BCL9: variants seen among roughly 807,000 people sequenced by gnomAD.
The protein encoded by BCL9 is BCL9 transcription coactivator.
BCL9 carries 25 observed loss-of-function variants against 88.5 expected under a neutral mutation model. The ratio of observed to expected loss-of-function variants is 0.28; its 90% confidence interval spans 0.21 to 0.39. The LOEUF (loss-of-function observed/expected upper bound fraction) is 0.39, where lower values mean the gene tolerates loss of function less well. Among genes scored for constraint, BCL9 ranks in the 10% least tolerant of loss-of-function variants. The pLI, the probability that BCL9 is intolerant of heterozygous loss-of-function variation, is 1.00. For synonymous variants in BCL9, 711 were observed against 673.3 expected (o/e 1.06, Z -0.87); for missense variants, 1,817 against 1,877.8 (o/e 0.97, Z 0.60).
chr1:147,574,209 T>C lies in BCL9; in HGVS notation c.-477-30568T>C, dbSNP rs1656011906. Among the ~76,000 whole-genome samples the C allele has an allele frequency of 2.0e-5, 3 of 152,180 alleles. No individual in the cohort carries two copies. The South Asian group carries it at 6.2e-4, about 32-fold the overall frequency. On this transcript the variant is annotated intron_variant, in intron 1 of 9. Transcript: ENST00000234739. ...GGTAAGAATATTGAGGTCTTATAAA[T>C]ATAACTGCAAGGCAAAAGGCACTCT...
intron 1 of BCL9, among the ~76,000 whole-genome samples, chr1:147,572,258 A>G (rs1355075775): frequency 6.6e-6 from 1 of 152,028 alleles, no homozygotes; most frequent in Non-Finnish European, 1.5e-5. Flanking sequence ...AACAAAAACA[A>G]AAACAAAAAC....
intron 1 of BCL9, among the ~76,000 whole-genome samples, chr1:147,591,919 T>G (rs1377556477): frequency 6.6e-6 from 1 of 152,220 alleles, no homozygotes; most frequent in Non-Finnish European, 1.5e-5. Context: ...TGTAGTTGTT[T>G]CCTCAACTGG....
chr1:147,578,177 TC>T (rs1656195845), intron 1 of BCL9, among the ~76,000 whole-genome samples: 1 of 152,064 alleles, frequency 6.6e-6, no homozygotes, highest in Admixed American at 6.6e-5. Context: ...TATTCCCCTT[TC>T]CCCATTAATT....
intron 1 of BCL9, among the ~76,000 whole-genome samples, chr1:147,577,935 A>G (rs1656184785): frequency 6.6e-6 from 1 of 152,110 alleles, no homozygotes; most frequent in African/African-American, 2.4e-5. Context: ...ACAAATGAAG[A>G]CATTATGTCT....
At chr1:147,564,081 T>A (rs1229338243) in intron 1 of BCL9, among the ~76,000 whole-genome samples, 1 of 152,130 alleles carries the variant, frequency 6.6e-6, no homozygotes, top group Non-Finnish European at 1.5e-5. Flanking sequence ...TGGATGTGAC[T>A]TGAAAACAGA....
At chr1:147,554,299 G>C (rs1408803558) in intron 1 of BCL9, among the ~76,000 whole-genome samples, 1 of 151,998 alleles carries the variant, frequency 6.6e-6, no homozygotes, top group Non-Finnish European at 1.5e-5. Flanking sequence ...AAGAACAACA[G>C]ACAGTCTCAA....
Position 147,620,025 on chromosome 1 carries a change from C to A in BCL9, c.1870C>A (p.Pro624Thr). Residue 624 changes from proline to threonine, a missense_variant, in exon 8 of 10, where the codon CCC (proline) becomes ACC (threonine). Transcript: ENST00000234739. ...TGGCCGAGGGGAACGCTTCCCAAACCCCCAAGGATTGTCTGAAGAGATGTT... is the reference window on the plus strand; with the variant it reads ...TGGCCGAGGGGAACGCTTCCCAAACACCCAAGGATTGTCTGAAGAGATGTT... Reference protein sequence around the residue: ...GPGRGERFPNPQGLSEEMFQQ... With the variant: ...GPGRGERFPNTQGLSEEMFQQ... 6.2e-7 allele frequency: 1 copy of A among 1,614,170 alleles called. No homozygotes were observed. The highest frequency in any genetic ancestry group is 2.2e-5 in the East Asian group (1 of 44,870).
At chr1:147,557,046 T>C (rs1046526355) in intron 1 of BCL9, among the ~76,000 whole-genome samples, 2 of 152,138 alleles carry the variant, frequency 1.3e-5, no homozygotes, top group Admixed American at 6.5e-5. Context: ...TGTCTAGAAG[T>C]TGAGCAAGGG....
chr1:147,547,790 A>G (rs1654670535), intron 1 of BCL9, among the ~76,000 whole-genome samples: 1 of 152,218 alleles, frequency 6.6e-6, no homozygotes, highest in South Asian at 2.1e-4. Flanking sequence ...TGCCAGTAAG[A>G]CTTTTAGAAC....
chr1:147,611,999 A>C, intron 4 of BCL9, 110 bp downstream of exon 4: 1 of 1,143,972 alleles, frequency 8.7e-7, no homozygotes, highest in African/African-American at 1.5e-5. Flanking sequence ...ATGAAACCCA[A>C]ATGGGAAAGG....
intron 1 of BCL9, among the ~76,000 whole-genome samples, chr1:147,570,083 T>C (rs1377777008): frequency 6.6e-6 from 1 of 152,198 alleles, no homozygotes; most frequent in African/African-American, 2.4e-5. Context: ...GTTAGTTTCG[T>C]CAGGCATTTA....
At position 147,620,846 on chromosome 1, in the gene BCL9, G is replaced by C; in HGVS notation, c.2691G>C (p.Ala897=). The change falls in exon 8 of 10, where the codon GCG becomes GCC. Residue 897 remains alanine, a synonymous_variant. Transcript: ENST00000234739. ...QTPSQLAGML[A]GPAAAASIKS... is the part of the protein sequence containing the mutation. ...CATCGCAGCTGGCAGGCATGCTGGC[G>C]GGCCCAGCTGCTGCTGCTTCCATTA... 1.2e-6 allele frequency: 2 copies of C among 1,614,138 alleles called. No individual in the cohort carries two copies. Among genetic ancestry groups the C allele is most frequent in the Non-Finnish European group, 1.7e-6 (2 of 1,179,994 alleles).
intron 1 of BCL9, among the ~76,000 whole-genome samples, chr1:147,545,398 A>G (rs1654519600): frequency 6.6e-6 from 1 of 152,190 alleles, no homozygotes; most frequent in East Asian, 1.9e-4. Flanking sequence ...TTGGCATTGG[A>G]AGAGTAATCT....
At chr1:147,542,868 A>G (rs782290664) in intron 1 of BCL9, among the ~76,000 whole-genome samples, 4 of 152,298 alleles carry the variant, frequency 2.6e-5, no homozygotes, top group Middle Eastern at 3.4e-3. Context: ...TGGGGCTGGC[A>G]GGGCATGCAG....
In BCL9 at chr1:147,625,181, A is replaced by T. The variant is rs183042036; in HGVS notation, c.*222A>T. 2 of 551,984 alleles carry T rather than the reference A, an allele frequency of 3.6e-6. No individual in the cohort carries two copies. The highest frequency in any genetic ancestry group is 6.0e-6 in the Non-Finnish European group (2 of 335,660). The allele number at this position is 551,984 out of a possible 1,614,324, so 34.2% of individuals were successfully genotyped here. A position where few individuals can be genotyped will look rare whatever the true frequency, so the allele number is the denominator to read the frequency against. On this transcript the variant is annotated 3_prime_UTR_variant, in exon 10 of 10. Transcript: ENST00000234739. ...GTGTTTTTTTTAAGATTTATTTTTT[A>T]AAAATTATTTTTGTGGACTTGGGTA...
chr1:147,548,328 C>T (rs11240079), intron 1 of BCL9, among the ~76,000 whole-genome samples: 14,376 of 152,144 alleles, frequency 0.094, 1,645 homozygotes, highest in African/African-American at 0.28. Flanking sequence ...TTAAGGCAAC[C>T]ATAGTCTAAA....
At chr1:147,574,229 C>T (rs1279433861) in intron 1 of BCL9, among the ~76,000 whole-genome samples, 2 of 152,152 alleles carry the variant, frequency 1.3e-5, no homozygotes, top group Non-Finnish European at 2.9e-5. Context: ...AGGCAAAAGG[C>T]ACTCTGGACA....
chr1:147,593,529 T>C (rs1335281497), intron 1 of BCL9, among the ~76,000 whole-genome samples: 1 of 152,222 alleles, frequency 6.6e-6, no homozygotes, highest in African/African-American at 2.4e-5. Context: ...CCACTTATTA[T>C]AAGTGATTAT....
At chr1:147,568,274 G>C (rs1324768488) in intron 1 of BCL9, among the ~76,000 whole-genome samples, 1 of 152,138 alleles carries the variant, frequency 6.6e-6, no homozygotes, top group Non-Finnish European at 1.5e-5. Flanking sequence ...GCCTTGAGAG[G>C]CTTTAAAATC....
Sources: allele counts gnomAD v4.1 joint callset (sites outside exome capture counted in the v4.1 genomes callset), GRCh38; gene constraint gnomAD v4.1.1; transcripts MANE v1.5; gene names NCBI Gene and HGNC (gene_info 2026-07-23, HGNC 2026-07-21).